The following SV2C variants were observed in gnomAD, a reference collection of about 807,000 sequenced individuals.
The protein encoded by SV2C is synaptic vesicle glycoprotein 2C.
Under a neutral mutation model 79.7 loss-of-function variants are expected in SV2C, and 49 were observed. That is an observed-to-expected ratio of 0.61 (90% CI 0.49 to 0.78). The LOEUF (loss-of-function observed/expected upper bound fraction) is 0.78. Ranked by LOEUF, SV2C falls within the 30% of genes least tolerant of loss-of-function variation. SV2C has a pLI of 0.00. For synonymous variants in SV2C, 334 were observed against 333.2 expected (o/e 1.00, Z -0.03); for missense variants, 833 against 912.9 (o/e 0.91, Z 1.13).
chr5:76,190,175 A>G (rs1281456914), intron 2 of SV2C, among the ~76,000 whole-genome samples: 1 of 152,298 alleles, frequency 6.6e-6, no homozygotes, highest in African/African-American at 2.4e-5. Flanking sequence ...TGTTAAAGGG[A>G]AAATTATTTG....
At chr5:76,061,268 T>TAAAAAAAA in the SV2C span, among the ~76,000 whole-genome samples, 159 of 51,582 alleles carry the variant, frequency 3.1e-3, 10 homozygotes, top group African/African-American at 0.013. Context: ...CTTCAATTTG[T>TAAAAAAAA]AAAAAAAAAA....
intron 1 of SV2C, among the ~76,000 whole-genome samples, chr5:76,125,557 C>T (rs1345290614): frequency 6.6e-6 from 1 of 152,218 alleles, no homozygotes; most frequent in East Asian, 1.9e-4. Flanking sequence ...AAGCAAGGTT[C>T]CTTATAACAG....
the SV2C span, among the ~76,000 whole-genome samples, chr5:76,044,630 G>C: frequency 1.1e-4 from 17 of 152,052 alleles, no homozygotes; most frequent in Admixed American, 1.1e-3. Context: ...GTATCTCCTC[G>C]TGGTTTTGAT....
intron 3 of SV2C, among the ~76,000 whole-genome samples, chr5:76,195,622 T>C (rs1238880301): frequency 6.6e-6 from 1 of 152,184 alleles, no homozygotes; most frequent in Non-Finnish European, 1.5e-5. Flanking sequence ...AGTTGTGCTA[T>C]TACCCAAATG....
chr5:75,886,266 G>GTTC, the SV2C span, among the ~76,000 whole-genome samples: 1 of 152,118 alleles, frequency 6.6e-6, no homozygotes, highest in East Asian at 1.9e-4. Context: ...TACTAGGAAA[G>GTTC]TTACCAGAAA....
chr5:76,202,046 A>C (rs1744465491), intron 3 of SV2C, among the ~76,000 whole-genome samples: 1 of 151,596 alleles, frequency 6.6e-6, no homozygotes, highest in Non-Finnish European at 1.5e-5. Flanking sequence ...AGAAAGAAAA[A>C]GAAAATTGAG....
In SV2C at chr5:76,158,634, A is replaced by G. The variant is rs114973630; in HGVS notation, c.580+26304A>G. 5.9e-3 allele frequency among the ~76,000 whole-genome samples: 895 copies of G among 152,158 alleles called. 8 individuals are homozygous for G. The highest frequency in any genetic ancestry group is 0.021 in the African/African-American group (859 of 41,568). The stretch of plus-strand genomic sequence containing the variant: ...TCAATACCCAATTTTCAAGAGGGAT[A>G]TAACAACTAGGCAGAAAACAATAAG... On this transcript the variant is annotated intron_variant, in intron 2 of 12. Transcript: ENST00000502798.
chr5:75,949,346 G>A, the SV2C span, among the ~76,000 whole-genome samples: 1 of 151,998 alleles, frequency 6.6e-6, no homozygotes, highest in Non-Finnish European at 1.5e-5. Flanking sequence ...CCCATTGGTG[G>A]GGCTTGGGCA....
chr5:76,146,883 A>T (rs1418336000), intron 2 of SV2C, among the ~76,000 whole-genome samples: 3 of 152,006 alleles, frequency 2.0e-5, no homozygotes, highest in Non-Finnish European at 4.4e-5. Flanking sequence ...AAAGAAAAAA[A>T]TTAAGTGCTG....
chr5:76,083,237 C>T (rs1373002804), upstream of SV2C: 2 of 152,716 alleles, frequency 1.3e-5, no homozygotes, highest in East Asian at 3.9e-4. Flanking sequence ...ACTCCCTGCG[C>T]ACCGCTGGTA....
chr5:76,090,940 G>C lies in SV2C; in HGVS notation c.-102+7428G>C, dbSNP rs191030938. 3.3e-5 allele frequency among the ~76,000 whole-genome samples: 5 copies of C among 152,300 alleles called. No individual in the cohort carries two copies. In the East Asian group the frequency reaches 9.6e-4, roughly 29 times the overall value. ...GTGGGTAGAGAAGGTGACCCACTTTGTCATTTCAAGCTCCGACTAGCCTCT... is the reference window on the plus strand; with the variant it reads ...GTGGGTAGAGAAGGTGACCCACTTTCTCATTTCAAGCTCCGACTAGCCTCT... On this transcript the variant is annotated intron_variant, in intron 1 of 12. Transcript: ENST00000502798.
chr5:76,347,969 T>C (rs1311537490), intron 12 of SV2C, among the ~76,000 whole-genome samples: 1 of 152,182 alleles, frequency 6.6e-6, no homozygotes, highest in Non-Finnish European at 1.5e-5. Flanking sequence ...CTCTTGGTGT[T>C]GCACAGTCTA....
At chr5:76,066,795 TAAA>T in the SV2C span, among the ~76,000 whole-genome samples, 168 of 122,098 alleles carry the variant, frequency 1.4e-3, no homozygotes, top group South Asian at 6.0e-3. Flanking sequence ...AGGACCCTGT[TAAA>T]AAAAAAAAAA....
At chr5:76,196,858 C>T (rs1744285064) in intron 3 of SV2C, among the ~76,000 whole-genome samples, 1 of 152,160 alleles carries the variant, frequency 6.6e-6, no homozygotes, top group South Asian at 2.1e-4. Context: ...TCCCAACAGA[C>T]TGTAGAGAAA....
At chr5:76,123,657 G>A (rs1430028335) in intron 1 of SV2C, among the ~76,000 whole-genome samples, 2 of 152,120 alleles carry the variant, frequency 1.3e-5, no homozygotes, top group Non-Finnish European at 2.9e-5. Context: ...TGCAGAAAAG[G>A]CCAAAGTTCA....
Position 76,194,946 on chromosome 5 carries a change from T to C in SV2C, c.608T>C (p.Val203Ala). Residue 203 changes from valine to alanine, a missense_variant, in exon 3 of 13, where the codon GTG becomes GCG. Transcript: ENST00000502798. ...LGSIVYLGMM[V>A]GAFFWGGLAD... Reference sequence around the variant, plus strand: ...AGCATAGTGTACCTCGGGATGATGGTGGGGGCGTTCTTCTGGGGAGGACTG... The same window carrying C: ...AGCATAGTGTACCTCGGGATGATGGCGGGGGCGTTCTTCTGGGGAGGACTG... The C allele has an allele frequency of 3.7e-6, 6 of 1,614,002 alleles. No homozygotes were observed. The highest frequency in any genetic ancestry group is 5.1e-6 in the Non-Finnish European group (6 of 1,179,924).
At chr5:75,892,497 G>A in the SV2C span, among the ~76,000 whole-genome samples, 14 of 151,788 alleles carry the variant, frequency 9.2e-5, no homozygotes, top group Non-Finnish European at 1.8e-4. Flanking sequence ...TATATTGCAT[G>A]ATGCTGAGGT....
chr5:76,227,689 C>G (rs965181757), intron 4 of SV2C, among the ~76,000 whole-genome samples: 6 of 152,192 alleles, frequency 3.9e-5, no homozygotes, highest in African/African-American at 1.4e-4. Flanking sequence ...TCACAGAGCC[C>G]TGTAATAAAC....
intron 4 of SV2C, among the ~76,000 whole-genome samples, chr5:76,246,848 T>C (rs896941643): frequency 2.6e-5 from 4 of 152,158 alleles, no homozygotes; most frequent in African/African-American, 9.7e-5. Flanking sequence ...GCTTGCTTTT[T>C]CCACACTAAC....
Sources: gnomAD v4.1 joint callset for allele counts (sites outside exome capture counted in the v4.1 genomes callset) on GRCh38, gnomAD v4.1.1 for gene constraint, MANE v1.5 for transcripts, NCBI Gene and HGNC (gene_info 2026-07-23, HGNC 2026-07-21) for gene names.